The following TACC2 variants were observed in gnomAD, a reference collection of about 807,000 sequenced individuals.
TACC2 encodes the protein transforming acidic coiled-coil containing protein 2, also known as transforming acidic coiled-coil-containing protein 2.
TACC2 carries 137 observed loss-of-function variants against 227.3 expected under a neutral mutation model. The ratio of observed to expected loss-of-function variants is 0.60; its 90% CI spans 0.52 to 0.69. The LOEUF (loss-of-function observed/expected upper bound fraction) is 0.69, where lower values mean the gene tolerates loss of function less well. TACC2 is among the 30% of genes least tolerant of loss of function. TACC2 has a pLI of 0.00. For missense variants in TACC2, 3,470 were observed against 3,694.4 expected (o/e 0.94, Z 1.57); for synonymous variants, 1,523 against 1,487.5 (o/e 1.02, Z -0.55).
chr10:122,008,264 A>ATTATTTTTTTATTTT, intron 1 of TACC2, among the ~76,000 whole-genome samples: 2 of 134,654 alleles, frequency 1.5e-5, no homozygotes, highest in Non-Finnish European at 3.1e-5. Flanking sequence ...TATTATTATT[A>ATTATTTTTTTATTTT]TTTTTTTTTT....
In TACC2 at chr10:122,040,199, G is replaced by A. The variant is rs1390682615; in HGVS notation, c.34-10239G>A. Among the ~76,000 whole-genome samples, 8 of 152,304 alleles carry A rather than the reference G, an allele frequency of 5.3e-5. No individual in the cohort carries two copies. The South Asian group carries it at 6.2e-4, about 12-fold the overall frequency. ...TAACCACGGCTCTAAAGGGTGACTC[G>A]TTTGGGGAGTGGGAGGACACGGTCC... On this transcript the variant is annotated intron_variant, in intron 2 of 22. Transcript: ENST00000369005.
In TACC2 at chr10:122,254,469, T is replaced by TA. The variant is rs112509232; in HGVS notation, c.*420dup. 4.2e-3 allele frequency: 656 copies of TA among 156,072 alleles called. 6 individuals carry two copies. The highest frequency in any genetic ancestry group is 0.015 in the African/African-American group (618 of 41,658). 9.7% of individuals were successfully genotyped at this position (156,072 alleles called of 1,614,324 possible). On this transcript the variant is annotated 3_prime_UTR_variant, in exon 23 of 23. Coordinates refer to ENST00000369005, the MANE Select transcript of TACC2 (RefSeq NM_206862.4). ...TGATCTGCATTTGCTGATTTGTTTT[T>TA]AAAAAAACAAGAAATGCATGTTTCA... is the stretch of plus-strand genomic sequence containing the variant.
rs147954050 is a variant in TACC2, at chr10:122,110,034, G to T, written c.5573+21443G>T. Among the ~76,000 whole-genome samples, 465 of 152,264 alleles carry T rather than the reference G, an allele frequency of 3.1e-3. 3 individuals carry two copies. The highest frequency in any genetic ancestry group is 0.011 in the African/African-American group (441 of 41,546). ...AAGTCAAACAGCTCTCTTTGCAGGT[G>T]CTATGGATGCCTTTAAGATAACTCC... On this transcript the variant is annotated intron_variant, in intron 5 of 22. Coordinates refer to ENST00000369005, the MANE Select transcript of TACC2 (RefSeq NM_206862.4).
In TACC2 at chr10:122,081,527, C is replaced by CAAA. The variant is rs374512156; in HGVS notation, c.147-1105_147-1103dup. On this transcript the variant is annotated intron_variant, in intron 3 of 22. Coordinates refer to ENST00000369005, the MANE Select transcript of TACC2 (RefSeq NM_206862.4). The stretch of plus-strand genomic sequence containing the variant: ...TGGGTGACAGAGTGAGACTCCGTCT[C>CAAA]AAAAAAAAAAAAAAAAAGGCACAGC... Among the ~76,000 whole-genome samples the CAAA allele has an allele frequency of 9.1e-3, 996 of 109,446 alleles. 14 individuals are homozygous for CAAA. The highest frequency in any genetic ancestry group is 0.038 in the African/African-American group (956 of 24,878). 71.8% of individuals were successfully genotyped at this position (109,446 alleles called of 152,430 possible). A position where few individuals can be genotyped will look rare whatever the true frequency, so the allele number is the denominator to read the frequency against.
intron 7 of TACC2, among the ~76,000 whole-genome samples, chr10:122,189,590 C>T (rs2094338105): frequency 6.6e-6 from 1 of 152,162 alleles, no homozygotes; most frequent in African/African-American, 2.4e-5. Context: ...GTCCCAAGAC[C>T]CTCCCTCCAG....
chr10:122,200,042 A>G (rs1308425263), intron 8 of TACC2, among the ~76,000 whole-genome samples: 1 of 152,246 alleles, frequency 6.6e-6, no homozygotes, highest in Admixed American at 6.5e-5. Flanking sequence ...GGACCAGAGC[A>G]CACAGCAAGC....
chr10:122,030,054 A>T (rs961076566), intron 2 of TACC2, among the ~76,000 whole-genome samples: 7 of 152,092 alleles, frequency 4.6e-5, no homozygotes, highest in Non-Finnish European at 1.0e-4. Flanking sequence ...GCTGCAGAGT[A>T]TTCTACAATG....
At chr10:122,046,217 G>A (rs955378630) in intron 2 of TACC2, among the ~76,000 whole-genome samples, 3 of 151,980 alleles carry the variant, frequency 2.0e-5, no homozygotes, top group Admixed American at 1.3e-4. Flanking sequence ...GCTCACGCCT[G>A]TAATCCCAGC....
At chr10:122,133,671 A>G (rs909596731) in intron 6 of TACC2, among the ~76,000 whole-genome samples, 3 of 152,138 alleles carry the variant, frequency 2.0e-5, no homozygotes, top group African/African-American at 2.4e-5. Context: ...CCTGGAACTC[A>G]TGGCCCAGTG....
chr10:122,216,949 C>G, intron 11 of TACC2, 121 bp downstream of exon 11: 1 of 1,553,678 alleles, frequency 6.4e-7, no homozygotes, highest in Non-Finnish European at 8.7e-7. Context: ...ATTGTGAGAT[C>G]GTCTGCACGT....
At chr10:122,011,845 A>C (rs1955967739) in intron 1 of TACC2, among the ~76,000 whole-genome samples, 1 of 152,206 alleles carries the variant, frequency 6.6e-6, no homozygotes, top group Non-Finnish European at 1.5e-5. Context: ...AAGAGTCCTG[A>C]ACCAGGAGAA....
chr10:122,096,007 A>G (rs981019007), intron 5 of TACC2, among the ~76,000 whole-genome samples: 4 of 152,208 alleles, frequency 2.6e-5, no homozygotes, highest in Non-Finnish European at 5.9e-5. Flanking sequence ...CATCAGAGCC[A>G]GTGGGTGTGG....
chr10:122,070,090 A>G (rs2077866082), intron 3 of TACC2, among the ~76,000 whole-genome samples: 1 of 152,232 alleles, frequency 6.6e-6, no homozygotes, highest in Admixed American at 6.5e-5. Flanking sequence ...TAGACTGGCA[A>G]TGAGGATTTA....
rs116335094 is a variant in TACC2 at position 122,118,809 on chromosome 10, G to A, written c.5574-13800G>A. On this transcript the variant is annotated intron_variant, in intron 5 of 22. Coordinates refer to ENST00000369005, the MANE Select transcript of TACC2 (RefSeq NM_206862.4). The stretch of plus-strand genomic sequence containing the variant: ...TTGTGGGCTGAGTGGCCTGTTCTCA[G>A]CCTGAAAAAGTTAGAGAGGAAGCTG... Among the ~76,000 whole-genome samples, 1,061 of 152,290 alleles carry A rather than the reference G, an allele frequency of 7.0e-3. 12 individuals are homozygous for A. The highest frequency in any genetic ancestry group is 0.024 in the African/African-American group (991 of 41,560).
chr10:122,088,962 A>G (rs1226495603), intron 5 of TACC2, among the ~76,000 whole-genome samples: 1 of 152,120 alleles, frequency 6.6e-6, no homozygotes, highest in East Asian at 1.9e-4. Flanking sequence ...AAAAAATACA[A>G]AGATTAGCCG....
chr10:122,121,102 G>C (rs927598645), intron 5 of TACC2, among the ~76,000 whole-genome samples: 1 of 152,170 alleles, frequency 6.6e-6, no homozygotes. Context: ...TATTCACATA[G>C]AGCCTGGGGT....
rs557175349 is a variant in TACC2 at position 122,213,494 on chromosome 10, G to C, written c.7283+1786G>C. 3.8e-6 allele frequency: 4 copies of C among 1,055,306 alleles called. No homozygotes were observed. In the African/African-American group the frequency reaches 4.7e-5, roughly 12 times the overall value. 65.4% of individuals were successfully genotyped at this position (1,055,306 alleles called of 1,614,324 possible). A position where few individuals can be genotyped will look rare whatever the true frequency, so the allele number is the denominator to read the frequency against. On this transcript the variant is annotated intron_variant, in intron 9 of 22. Transcript: ENST00000369005. ...CTGGCTGCTACTGATGTGTTTCTGT[G>C]GTGGGCCTGCGAATGATGGGGCATG...
rs752342348 is a variant in TACC2, at chr10:122,012,418, C to CAAAAAAAAAAAAAAAA, written c.-45-9513_-45-9498dup. Among the ~76,000 whole-genome samples, 395 of 60,698 alleles carry CAAAAAAAAAAAAAAAA rather than the reference C, an allele frequency of 6.5e-3. 24 individuals carry two copies. Among genetic ancestry groups the CAAAAAAAAAAAAAAAA allele is most frequent in the Middle Eastern group, 0.012 (1 of 82 alleles). 39.8% of individuals were successfully genotyped at this position (60,698 alleles called of 152,430 possible). On this transcript the variant is annotated intron_variant, in intron 1 of 22. Coordinates refer to ENST00000369005, the MANE Select transcript of TACC2 (RefSeq NM_206862.4). ...CTGGTGCCAGAGCAAGACTCCGTCT[C>CAAAAAAAAAAAAAAAA]AAAAAAAAAAAAAAAAAAAAAGATG...
intron 7 of TACC2, among the ~76,000 whole-genome samples, chr10:122,177,128 G>A (rs190938794): frequency 2.6e-5 from 4 of 152,322 alleles, no homozygotes; most frequent in Admixed American, 2.0e-4. Flanking sequence ...AGCCACTCCT[G>A]TGTCTGCAGT....
Sources: gnomAD v4.1 joint callset for allele counts (sites outside exome capture counted in the v4.1 genomes callset) on GRCh38, gnomAD v4.1.1 for gene constraint, MANE v1.5 for transcripts, NCBI Gene and HGNC (gene_info 2026-07-23, HGNC 2026-07-21) for gene names.